Variants in FCF1 observed in about 807,000 individuals in gnomAD.
The protein encoded by FCF1 is FCF1 rRNA-processing protein, also known as rRNA-processing protein FCF1 homolog.
Under a neutral mutation model 32.5 loss-of-function variants are expected in FCF1, and 17 were observed. The ratio of observed to expected loss-of-function variants is 0.52; its 90% confidence interval spans 0.36 to 0.78. FCF1 has a LOEUF of 0.78. Among genes scored for constraint, FCF1 ranks in the 30% least tolerant of loss-of-function variants. The pLI is 0.00. For synonymous variants in FCF1, 84 were observed against 78.4 expected (o/e 1.07, Z -0.38); for missense variants, 201 against 241.1 (o/e 0.83, Z 1.10).
At chr14:74,726,927 G>A (rs1015747372) in intron 5 of FCF1, among the ~76,000 whole-genome samples, 1 of 152,000 alleles carries the variant, frequency 6.6e-6, no homozygotes, top group African/African-American at 2.4e-5. Flanking sequence ...CCCTACAAAG[G>A]ACGTGAACTC....
At chr14:74,724,924 T>A (rs1462757066) in intron 5 of FCF1, among the ~76,000 whole-genome samples, 3 of 151,822 alleles carry the variant, frequency 2.0e-5, no homozygotes, top group Non-Finnish European at 4.4e-5. Flanking sequence ...AGAAAGAAAT[T>A]ATAAAATATT....
intron 4 of FCF1, 74 bp from the exon 5 acceptor site, chr14:74,723,196 ACT>A (rs2140028222): frequency 3.7e-6 from 4 of 1,079,406 alleles, no homozygotes; most frequent in East Asian, 4.9e-5. Flanking sequence ...TCTTTTTAAA[ACT>A]CTGAGCAGGG....
Position 74,734,840 on chromosome 14 carries a change from T to C in FCF1, c.549-42T>C, listed in dbSNP as rs199625114. ...AGGATGGGTTTTTAGATGGGTTCTC[T>C]TCCCATCTTTCTTACCGGTGTTGAT... On this transcript the variant is annotated intron_variant, in intron 7 of 7. Transcript: ENST00000341162. The C allele has an allele frequency of 1.3e-4, 204 of 1,563,948 alleles. No individual in the cohort carries two copies. The African/African-American group carries it at 2.5e-3, about 19-fold the overall frequency.
intron 4 of FCF1, among the ~76,000 whole-genome samples, chr14:74,719,522 A>G: frequency 6.6e-6 from 1 of 152,152 alleles, no homozygotes; most frequent in South Asian, 2.1e-4. Context: ...ACGCTTTGGG[A>G]GGCCAAGGTG....
At position 74,735,175 on chromosome 14, in the gene FCF1, G is replaced by T. The variant is rs980473094; in HGVS notation, c.*245G>T. On this transcript the variant is annotated 3_prime_UTR_variant, in exon 8 of 8. Coordinates refer to ENST00000341162, the MANE Select transcript of FCF1 (RefSeq NM_015962.5). Reference sequence around the variant, plus strand: ...GGGTTGGGGGGAATCTGTGCAGGGGGAAGCATATTACAGAAGCAAGAAAGA... The same window carrying T: ...GGGTTGGGGGGAATCTGTGCAGGGGTAAGCATATTACAGAAGCAAGAAAGA... 1 of 423,798 alleles carries T rather than the reference G, an allele frequency of 2.4e-6. No individual in the cohort carries two copies. The highest frequency in any genetic ancestry group is 3.9e-5 in the East Asian group (1 of 25,940). 26.3% of individuals were successfully genotyped at this position (423,798 alleles called of 1,614,324 possible).
rs2090411222 is a variant in FCF1 at position 74,715,855 on chromosome 14, A to G, written c.144-96A>G. On this transcript the variant is annotated intron_variant, in intron 3 of 7. Transcript: ENST00000341162. ...CCAATGAACATGGACAAAAGAGTTT[A>G]CAGCAAACAGTCCCAAGCAGACTTC... is the stretch of plus-strand genomic sequence containing the variant. 1.9e-6 allele frequency: 3 copies of G among 1,610,214 alleles called. No homozygotes were observed. In the African/African-American group the frequency reaches 4.0e-5, roughly 22 times the overall value.
At chr14:74,731,814 G>T (rs577257565) in intron 5 of FCF1, among the ~76,000 whole-genome samples, 10 of 152,072 alleles carry the variant, frequency 6.6e-5, no homozygotes, top group Admixed American at 6.6e-4. Flanking sequence ...GTTGCACTTG[G>T]TACATATGTG....
At chr14:74,723,694 G>T (rs1368742435) in intron 5 of FCF1, among the ~76,000 whole-genome samples, 1 of 151,948 alleles carries the variant, frequency 6.6e-6, no homozygotes, top group Non-Finnish European at 1.5e-5. Context: ...CGGCTGTGGT[G>T]GCAGGTGCCT....
intron 4 of FCF1, 119 bp from the exon 5 acceptor site, chr14:74,723,153 C>T: frequency 2.9e-6 from 2 of 701,072 alleles, no homozygotes; most frequent in Non-Finnish European, 5.2e-6. Context: ...TTTCAGTGTG[C>T]TAATTCTGCT....
chr14:74,731,710 T>G (rs2090640151), intron 5 of FCF1, among the ~76,000 whole-genome samples: 1 of 152,220 alleles, frequency 6.6e-6, no homozygotes, highest in Non-Finnish European at 1.5e-5. Flanking sequence ...TGGCACATTC[T>G]TTAATCTTAT....
chr14:74,735,089 T>G lies in FCF1; in HGVS notation c.*159T>G, dbSNP rs1240318128. 2 of 542,152 alleles carry G rather than the reference T, an allele frequency of 3.7e-6. No individual in the cohort carries two copies. Among genetic ancestry groups the G allele is most frequent in the Non-Finnish European group, 6.6e-6 (2 of 303,686 alleles). 33.6% of individuals were successfully genotyped at this position (542,152 alleles called of 1,614,324 possible). Reference sequence around the variant, plus strand: ...GTGCACCAGCCCAGTCAGATTAACATCCAAAGGACTGAACCCTGAACAGAG... The same window carrying G: ...GTGCACCAGCCCAGTCAGATTAACAGCCAAAGGACTGAACCCTGAACAGAG... On this transcript the variant is annotated 3_prime_UTR_variant, in exon 8 of 8. Transcript: ENST00000341162.
chr14:74,718,619 G>T (rs2140022163), intron 4 of FCF1, among the ~76,000 whole-genome samples: 1 of 152,014 alleles, frequency 6.6e-6, no homozygotes, highest in East Asian at 1.9e-4. Flanking sequence ...GATTATAGGT[G>T]CATGCTGCCA....
chr14:74,715,874 A>C, intron 3 of FCF1, 77 bp from the exon 4 acceptor site: 1 of 1,607,416 alleles, frequency 6.2e-7, no homozygotes, highest in Non-Finnish European at 8.5e-7. Flanking sequence ...AGTCCCAAGC[A>C]GACTTCTTTT....
At chr14:74,732,583 C>T (rs1346503437) in intron 5 of FCF1, 148 bp from the exon 6 acceptor site, 6 of 615,954 alleles carry the variant, frequency 9.7e-6, no homozygotes, top group African/African-American at 1.9e-5. Flanking sequence ...ATTCCCTGCC[C>T]CGTGAATTGT....
intron 5 of FCF1, among the ~76,000 whole-genome samples, chr14:74,728,915 C>T (rs994010778): frequency 1.8e-4 from 28 of 151,976 alleles, no homozygotes; most frequent in African/African-American, 6.8e-4. Context: ...TATTGATTTG[C>T]ATATATTGAA....
At chr14:74,716,241 T>A (rs562696411) in intron 4 of FCF1, 142 bp downstream of exon 4, 1 of 720,438 alleles carries the variant, frequency 1.4e-6, no homozygotes, top group Admixed American at 2.8e-5. Flanking sequence ...GCAGTGACCA[T>A]GTTTAATGAA....
At chr14:74,734,285 A>G (rs1305197059) in intron 7 of FCF1, 115 bp downstream of exon 7, 15 of 623,508 alleles carry the variant, frequency 2.4e-5, no homozygotes, top group Non-Finnish European at 5.5e-6. Flanking sequence ...TCAAATGTTT[A>G]CATAGTTATA....
At chr14:74,721,407 A>C (rs955781997) in intron 4 of FCF1, among the ~76,000 whole-genome samples, 1 of 152,108 alleles carries the variant, frequency 6.6e-6, no homozygotes, top group African/African-American at 2.4e-5. Context: ...ATTCTTTTTT[A>C]AAGTTATGTA....
chr14:74,713,611 T>A, intron 2 of FCF1, 59 bp downstream of exon 2: 1 of 1,440,264 alleles, frequency 6.9e-7, no homozygotes, highest in Non-Finnish European at 9.6e-7. Flanking sequence ...AGAGGATAAG[T>A]AGTAAAAATG....
Sources: allele counts gnomAD v4.1 joint callset (sites outside exome capture counted in the v4.1 genomes callset), GRCh38; gene constraint gnomAD v4.1.1; transcripts MANE v1.5; gene names NCBI Gene and HGNC (gene_info 2026-07-23, HGNC 2026-07-21).